Variants in SGCD observed in about 807,000 individuals in gnomAD.
SGCD encodes delta-sarcoglycan.
Under a neutral mutation model 36.6 loss-of-function variants are expected in SGCD, and 18 were observed. That is an observed-to-expected ratio of 0.49 (90% CI 0.34 to 0.73). The LOEUF (loss-of-function observed/expected upper bound fraction) is 0.73. Among genes scored for constraint, SGCD ranks in the 30% least tolerant of loss-of-function variants. The pLI is 0.01. For missense variants in SGCD, 387 were observed against 346.7 expected (o/e 1.12, Z -0.92); for synonymous variants, 133 against 130.6 (o/e 1.02, Z -0.12).
the SGCD span, among the ~76,000 whole-genome samples, chr5:155,764,163 T>G: frequency 6.6e-6 from 1 of 152,208 alleles, no homozygotes; most frequent in African/African-American, 2.4e-5. Flanking sequence ...AAACAAACAG[T>G]AATAAGAAAA....
intron 3 of SGCD, among the ~76,000 whole-genome samples, chr5:156,372,149 T>G (rs774129058): frequency 6.6e-6 from 1 of 152,218 alleles, no homozygotes; most frequent in African/African-American, 2.4e-5. Context: ...AGGCCCTCTT[T>G]GGACCTCAGC....
chr5:156,688,152 G>C (rs1236230838), intron 7 of SGCD, among the ~76,000 whole-genome samples: 2 of 151,996 alleles, frequency 1.3e-5, no homozygotes, highest in African/African-American at 4.8e-5. Flanking sequence ...CTGATTATTT[G>C]ATCACCCAGG....
At chr5:155,998,010 A>G (rs530027565) in intron 1 of SGCD, among the ~76,000 whole-genome samples, 3 of 152,326 alleles carry the variant, frequency 2.0e-5, no homozygotes, top group African/African-American at 7.2e-5. Context: ...TGAGGTTTGG[A>G]AAGAAACATA....
intron 2 of SGCD, among the ~76,000 whole-genome samples, chr5:156,337,177 T>G (rs990199521): frequency 1.3e-5 from 2 of 152,224 alleles, no homozygotes; most frequent in African/African-American, 4.8e-5. Flanking sequence ...CCAGGATGAT[T>G]CAAAATGGCT....
the SGCD span, among the ~76,000 whole-genome samples, chr5:155,728,748 T>C: frequency 6.6e-6 from 1 of 151,840 alleles, no homozygotes. Context: ...AGCCGCCAAC[T>C]TCCCTGTGAG....
chr5:156,437,159 TTTTC>T (rs1753279447), intron 3 of SGCD, among the ~76,000 whole-genome samples: 1 of 152,154 alleles, frequency 6.6e-6, no homozygotes, highest in Admixed American at 6.6e-5. Flanking sequence ...GATGTGCTAG[TTTTC>T]TTTCTAATAC....
intron 4 of SGCD, among the ~76,000 whole-genome samples, chr5:156,531,836 C>T (rs1006855681): frequency 5.9e-5 from 9 of 152,020 alleles, no homozygotes; most frequent in Non-Finnish European, 4.4e-5. Context: ...GGGCTAGGCA[C>T]GGTGGCTCAT....
At chr5:156,388,558 G>C (rs1771400309) in intron 3 of SGCD, among the ~76,000 whole-genome samples, 1 of 152,168 alleles carries the variant, frequency 6.6e-6, no homozygotes, top group Non-Finnish European at 1.5e-5. Context: ...GTTTCTCCTA[G>C]AAACTGATTT....
intron 1 of SGCD, among the ~76,000 whole-genome samples, chr5:156,080,964 A>T (rs1402036836): frequency 1.3e-5 from 2 of 152,098 alleles, no homozygotes; most frequent in African/African-American, 2.4e-5. Flanking sequence ...TACCAATTTT[A>T]TGTGTTAGGC....
At chr5:156,521,737 A>C (rs1757415730) in intron 4 of SGCD, among the ~76,000 whole-genome samples, 1 of 152,172 alleles carries the variant, frequency 6.6e-6, no homozygotes. Flanking sequence ...ATGCTTTTAC[A>C]CTGTTGGTGG....
At chr5:156,458,416 A>G in intron 3 of SGCD, 1 of 1,602,366 alleles carries the variant, frequency 6.2e-7, no homozygotes, top group Non-Finnish European at 8.5e-7. Flanking sequence ...TGATCGATGT[A>G]GTAGACACCA....
intron 7 of SGCD, chr5:156,704,155 C>T (rs533289764): frequency 1.3e-5 from 2 of 152,210 alleles, no homozygotes; most frequent in African/African-American, 4.8e-5. Context: ...ATTGAAATTC[C>T]ACTTTACTCT....
At chr5:155,743,374 T>C in the SGCD span, among the ~76,000 whole-genome samples, 1 of 152,184 alleles carries the variant, frequency 6.6e-6, no homozygotes, top group Admixed American at 6.5e-5. Context: ...AACAAAAGAT[T>C]CTTCTAGCTC....
At chr5:155,999,355 C>T (rs1222082733) in intron 1 of SGCD, among the ~76,000 whole-genome samples, 1 of 152,226 alleles carries the variant, frequency 6.6e-6, no homozygotes, top group Non-Finnish European at 1.5e-5. Context: ...GGTGTCCACT[C>T]CATCTTGGTA....
At chr5:156,208,567 T>C (rs891600209) in intron 3 of SGCD, among the ~76,000 whole-genome samples, 6 of 152,332 alleles carry the variant, frequency 3.9e-5, no homozygotes, top group African/African-American at 1.2e-4. Context: ...TTATTGAAAA[T>C]GTTGACTGCA....
chr5:156,723,604 C>T (rs1316212789), intron 7 of SGCD, among the ~76,000 whole-genome samples: 2 of 152,118 alleles, frequency 1.3e-5, no homozygotes, highest in African/African-American at 4.8e-5. Context: ...ATAGAAGGAA[C>T]CTGAGCTAGT....
At chr5:156,022,512 C>G (rs1161572721) in intron 1 of SGCD, among the ~76,000 whole-genome samples, 1 of 152,018 alleles carries the variant, frequency 6.6e-6, no homozygotes, top group African/African-American at 2.4e-5. Flanking sequence ...TTAATTTTTG[C>G]AACATTATCA....
At chr5:156,387,237 G>A (rs535521917) in intron 3 of SGCD, among the ~76,000 whole-genome samples, 4 of 152,244 alleles carry the variant, frequency 2.6e-5, no homozygotes, top group Non-Finnish European at 5.9e-5. Flanking sequence ...AGCATGCTAT[G>A]TTTAAGTGTA....
intron 3 of SGCD, among the ~76,000 whole-genome samples, chr5:156,386,110 T>C (rs1204585875): frequency 6.6e-6 from 1 of 152,234 alleles, no homozygotes; most frequent in African/African-American, 2.4e-5. Flanking sequence ...AGTGATAGTA[T>C]AGTTATTGAG....
Sources: allele counts gnomAD v4.1 joint callset (sites outside exome capture counted in the v4.1 genomes callset), GRCh38; gene constraint gnomAD v4.1.1; transcripts MANE v1.5; gene names NCBI Gene and HGNC (gene_info 2026-07-23, HGNC 2026-07-21).